Variants in DST observed in about 807,000 individuals in gnomAD.
The protein encoded by DST is bullous pemphigoid antigen.
Under a neutral mutation model 875.2 loss-of-function variants are expected in DST, and 253 were observed. The observed-to-expected ratio is 0.29, with a 90% CI of 0.26 to 0.32. The LOEUF is 0.32. Ranked by LOEUF, DST falls within the 10% of genes least tolerant of loss-of-function variation. The pLI, the probability that DST is intolerant of heterozygous loss-of-function variation, is 1.00. For missense variants in DST, 8,287 were observed against 9,111.6 expected, an observed-to-expected ratio of 0.91 and a Z score of 3.68; for synonymous variants, 3,124 against 3,197.1, an observed-to-expected ratio of 0.98 and a Z score of 0.77.
chr6:56,515,636 A>G lies in DST; in HGVS notation c.18390T>C (p.Asp6130=). 3 of 1,612,070 alleles carry G rather than the reference A, an allele frequency of 1.9e-6. No individual in the cohort carries two copies. In the Middle Eastern group the frequency reaches 5.0e-4, roughly 266 times the overall value. ...TTTCTGAATTAATCTGGCAGATGGT[A>G]TCATAGTTCTTCAGTACCTTGTCCA... ...KKLDKVLKNY[D]TICQINSERY... The change falls in exon 72 of 104, where the codon GAT becomes GAC. Residue 6130 remains aspartate (D), a synonymous_variant. Transcript: ENST00000680361.
intron 4 of DST, among the ~76,000 whole-genome samples, chr6:56,738,891 G>C (rs899267566): frequency 2.1e-4 from 32 of 152,072 alleles, no homozygotes; most frequent in African/African-American, 6.5e-4. Flanking sequence ...CCAGAGTGCT[G>C]GGATTATAGG....
intron 4 of DST, among the ~76,000 whole-genome samples, chr6:56,798,077 G>A (rs907518391): frequency 9.2e-5 from 14 of 152,158 alleles, no homozygotes; most frequent in Non-Finnish European, 1.8e-4. Context: ...TCAAGGCAAA[G>A]CAACAATTGC....
In DST at chr6:56,602,955, T is replaced by C. The variant is rs967389152; in HGVS notation, c.11234A>G (p.Lys3745Arg). 3 of 1,595,474 alleles carry C rather than the reference T, an allele frequency of 1.9e-6. No individual in the cohort carries two copies. In the African/African-American group the frequency reaches 4.1e-5, roughly 22 times the overall value. Residue 3745 changes from lysine (K) to arginine (R), a missense_variant, in exon 43 of 104, where the codon AAA becomes AGA. Lys to Arg is a conservative substitution (Grantham distance 26). Transcript: ENST00000680361. ...SFSDWVSEKS[K>R]SVKDIEIVNV... The stretch of plus-strand genomic sequence containing the variant: ...CACAATCTCAATATCCTTCACAGAT[T>C]TGCTCTTCTCTGATACCCAATCTGA...
chr6:56,516,144 AG>A (rs1197644005), intron 71 of DST, among the ~76,000 whole-genome samples: 18 of 142,266 alleles, frequency 1.3e-4, no homozygotes, highest in Non-Finnish European at 2.5e-4. Context: ...AGAGAGAGAG[AG>A]AGAAAGAGAA....
chr6:56,603,439 C>T lies in DST; in HGVS notation c.10942-19G>A, dbSNP rs190096924. 29 of 1,605,232 alleles carry T rather than the reference C, an allele frequency of 1.8e-5. No homozygotes were observed. Among genetic ancestry groups the T allele is most frequent in the Admixed American group, 1.0e-4 (6 of 59,286 alleles). On this transcript the variant is annotated intron_variant, in intron 41 of 103. Coordinates refer to ENST00000680361, the MANE Select transcript of DST (RefSeq NM_001374736.1). ...CAAATGTCTGCAAAGAAATATATCC[C>T]GGACCTATTTACTATTTAGTGAAAA...
chr6:56,818,321 A>G (rs542861384), intron 4 of DST, among the ~76,000 whole-genome samples: 14 of 152,254 alleles, frequency 9.2e-5, no homozygotes, highest in Admixed American at 2.0e-4. Flanking sequence ...CAGGGGGGGA[A>G]CTAAGGTTCA....
chr6:56,906,653 C>T (rs761154504), intron 2 of DST, among the ~76,000 whole-genome samples: 3 of 152,066 alleles, frequency 2.0e-5, no homozygotes, highest in East Asian at 1.9e-4. Flanking sequence ...CTATAAAATT[C>T]GGGGCATCCA....
intron 4 of DST, among the ~76,000 whole-genome samples, chr6:56,799,139 G>A (rs987268417): frequency 3.9e-5 from 6 of 152,154 alleles, no homozygotes; most frequent in Admixed American, 6.5e-5. Flanking sequence ...AAGCAGCAGC[G>A]GGGCTTGAGA....
chr6:56,706,966 C>T (rs2099343463), intron 5 of DST, among the ~76,000 whole-genome samples: 1 of 152,226 alleles, frequency 6.6e-6, no homozygotes, highest in Non-Finnish European at 1.5e-5. Flanking sequence ...GATCATGCCA[C>T]TGCACTCTAG....
chr6:56,912,765 C>T (rs1226457928), intron 2 of DST, among the ~76,000 whole-genome samples: 4 of 152,192 alleles, frequency 2.6e-5, no homozygotes. Flanking sequence ...ATTATGGAAA[C>T]TAGGGCCAGG....
intron 47 of DST, among the ~76,000 whole-genome samples, chr6:56,595,957 C>T (rs2152692567): frequency 6.6e-6 from 1 of 152,210 alleles, no homozygotes; most frequent in East Asian, 1.9e-4. Flanking sequence ...ACGTTCCTGG[C>T]TCAGGTGCTT....
chr6:56,890,722 C>A (rs769987130), intron 3 of DST, among the ~76,000 whole-genome samples: 11 of 152,206 alleles, frequency 7.2e-5, no homozygotes, highest in Admixed American at 1.3e-4. Context: ...TCACATAACA[C>A]TTCAAGAGGA....
Position 56,529,525 on chromosome 6 carries a change from C to G in DST, c.17518G>C (p.Val5840Leu), listed in dbSNP as rs2096859583. The change falls in exon 66 of 104, where the codon GTG becomes CTG. Residue 5840 changes from valine to leucine, a missense_variant. By Grantham distance (32) the Val-to-Leu change is conservative. This residue lies in a region of DST where 777 missense variants were observed against 764.8 expected (regional missense o/e 1.02). Transcript: ENST00000680361. The part of the protein sequence containing the change: ...EVELMNWLNE[V>L]HDKLSKLSVQ... ...GAGAGCTTGCTCAGTTTGTCATGCA[C>G]TTCATTCAGCCAGTTCATCAGTTCA... 1.2e-6 allele frequency: 2 copies of G among 1,612,886 alleles called. No individual in the cohort carries two copies. Among genetic ancestry groups the G allele is most frequent in the African/African-American group, 2.7e-5 (2 of 74,920 alleles).
In DST at chr6:56,601,582, G is replaced by A; in HGVS notation, c.11402C>T (p.Ser3801Phe). ...CAGCAGTTGTTTGCTTTGGTTGGGA[G>A]ACAGATCCTGTGCATATTCAGAAAT... ...FFISEYAQDLSPNQSKQLLRL... is the reference protein window; with the variant it reads ...FFISEYAQDLFPNQSKQLLRL... Residue 3801 changes from serine to phenylalanine, a missense_variant, in exon 44 of 104, where the codon TCT (serine) becomes TTT (phenylalanine). This residue lies in a region of DST where 3,138 missense variants were observed against 3,116.6 expected (regional missense o/e 1.01). Transcript: ENST00000680361. 1 of 1,602,306 alleles carries A rather than the reference G, an allele frequency of 6.2e-7. No homozygotes were observed. The highest frequency in any genetic ancestry group is 8.5e-7 in the Non-Finnish European group (1 of 1,174,238).
rs191041159 is a variant in DST, at chr6:56,468,441, A to C, written c.22569+541T>G. 3.5e-3 allele frequency among the ~76,000 whole-genome samples: 536 copies of C among 152,330 alleles called. 1 individual carries two copies. Among genetic ancestry groups the C allele is most frequent in the Non-Finnish European group, 5.8e-3 (395 of 68,020 alleles). On this transcript the variant is annotated intron_variant, in intron 98 of 103. Coordinates refer to ENST00000680361, the MANE Select transcript of DST (RefSeq NM_001374736.1). Reference sequence around the variant, plus strand: ...ACTGAGTTAACATTTCTACTCAGAGATGCCAAGCCCCAAAATTGGTGATTT... The same window carrying C: ...ACTGAGTTAACATTTCTACTCAGAGCTGCCAAGCCCCAAAATTGGTGATTT...
chr6:56,610,380 A>C, intron 39 of DST, 47 bp downstream of exon 39: 1 of 1,433,284 alleles, frequency 7.0e-7, no homozygotes, highest in Non-Finnish European at 9.3e-7. Flanking sequence ...CCATGCAATC[A>C]AACTAAGCTT....
rs1270931557 is a variant in DST at position 56,470,115 on chromosome 6, A to G, written c.22476+13T>C. ...ACTATCAGTGTTGTACGCAATGGGAAGATAATGAGTACCTCATCTTCGATT... is the reference window on the plus strand; with the variant it reads ...ACTATCAGTGTTGTACGCAATGGGAGGATAATGAGTACCTCATCTTCGATT... On this transcript the variant is annotated intron_variant, in intron 96 of 103. Coordinates refer to ENST00000680361, the MANE Select transcript of DST (RefSeq NM_001374736.1). 1.2e-6 allele frequency: 2 copies of G among 1,611,152 alleles called. No homozygotes were observed. The highest frequency in any genetic ancestry group is 1.7e-6 in the Non-Finnish European group (2 of 1,177,870).
At position 56,606,268 on chromosome 6, in the gene DST, G is replaced by A. The variant is rs2098496847; in HGVS notation, c.8360C>T (p.Ser2787Phe). 2 of 1,578,068 alleles carry A rather than the reference G, an allele frequency of 1.3e-6. No homozygotes were observed. The highest frequency in any genetic ancestry group is 2.3e-5 in the East Asian group (1 of 43,388). Residue 2787 changes from serine to phenylalanine, a missense_variant, in exon 40 of 104, where the codon TCT (serine) becomes TTT (phenylalanine). By Grantham distance (155) the Ser-to-Phe change is radical. Coordinates refer to ENST00000680361, the MANE Select transcript of DST (RefSeq NM_001374736.1). Reference sequence around the variant, plus strand: ...CCCATAACTTTCTTCACTTTGCATAGAATCTAAATGATCAGTATCGGAGTG... The same window carrying A: ...CCCATAACTTTCTTCACTTTGCATAAAATCTAAATGATCAGTATCGGAGTG... Reference protein sequence around the residue: ...EFHSDTDHLDSMQSEESYGDY... With the variant: ...EFHSDTDHLDFMQSEESYGDY...
rs75275319 is a variant in DST at position 56,617,094 on chromosome 6, C to T, written c.4930-2610G>A. ...AGAAACTTGTTAAGAGTTTTCTGAA[C>T]TTCTTCAACAGTCTTAAGACCGAGT... On this transcript the variant is annotated intron_variant, in intron 36 of 103. Coordinates refer to ENST00000680361, the MANE Select transcript of DST (RefSeq NM_001374736.1). 3.7e-4 allele frequency: 605 copies of T among 1,613,868 alleles called. 1 individual carries two copies. The African/African-American group carries it at 7.2e-3, about 19-fold the overall frequency.
Sources: allele counts gnomAD v4.1 joint callset (sites outside exome capture counted in the v4.1 genomes callset), GRCh38; gene constraint gnomAD v4.1.1; regional missense constraint gnomAD v4.1.1; transcripts MANE v1.5; gene names NCBI Gene and HGNC (gene_info 2026-07-23, HGNC 2026-07-21).